Variants in PTPRD observed in about 807,000 individuals in gnomAD.
PTPRD encodes the protein receptor-type tyrosine-protein phosphatase delta.
In PTPRD, 34 loss-of-function variants were observed where a neutral mutation model predicts 214.5. The observed-to-expected ratio is 0.16, with a 90% CI of 0.12 to 0.21. The LOEUF is 0.21. Ranked by LOEUF, PTPRD falls within the 10% of genes least tolerant of loss-of-function variation. The probability of loss-of-function intolerance (pLI) is 1.00; values close to 1 mark genes in which losing one functional copy is unlikely to be tolerated. For synonymous variants in PTPRD, 1,128 were observed against 845.7 expected, an observed-to-expected ratio of 1.33 and a Z score of -5.79; for missense variants, 2,545 against 2,398.7, an observed-to-expected ratio of 1.06 and a Z score of -1.27.
chr9:10,362,255 CTTA>C (rs2097406782), intron 2 of PTPRD, among the ~76,000 whole-genome samples: 1 of 151,940 alleles, frequency 6.6e-6, no homozygotes, highest in Admixed American at 6.6e-5. Flanking sequence ...TTACATGGAG[CTTA>C]TTATATGTCA....
intron 4 of PTPRD, among the ~76,000 whole-genome samples, chr9:9,972,081 T>A (rs1031296296): frequency 6.6e-6 from 1 of 152,232 alleles, no homozygotes; most frequent in Admixed American, 6.5e-5. Context: ...AGTTGCAGCA[T>A]TTGACAATAT....
At chr9:8,951,107 GGTTGT>G (rs1388347205) in intron 11 of PTPRD, among the ~76,000 whole-genome samples, 1 of 150,274 alleles carries the variant, frequency 6.7e-6, no homozygotes, top group African/African-American at 2.4e-5. Context: ...AAGTTTATGT[GGTTGT>G]GTTAAGGCAT....
At chr9:9,532,240 G>C (rs2075640089) in intron 8 of PTPRD, among the ~76,000 whole-genome samples, 1 of 152,124 alleles carries the variant, frequency 6.6e-6, no homozygotes. Flanking sequence ...GGTCTGTGTG[G>C]TGGATAAAAT....
At chr9:9,184,894 T>C (rs1481481797) in intron 9 of PTPRD, among the ~76,000 whole-genome samples, 1 of 152,078 alleles carries the variant, frequency 6.6e-6, no homozygotes, top group African/African-American at 2.4e-5. Flanking sequence ...ATAGGGAACA[T>C]AAGGCTTCAT....
chr9:9,349,974 C>A (rs940680818), intron 9 of PTPRD, among the ~76,000 whole-genome samples: 6 of 152,070 alleles, frequency 3.9e-5, no homozygotes, highest in African/African-American at 1.4e-4. Flanking sequence ...TATCCAGTAT[C>A]AGCATAGATG....
At chr9:9,952,646 C>G (rs2093560595) in intron 4 of PTPRD, among the ~76,000 whole-genome samples, 1 of 152,076 alleles carries the variant, frequency 6.6e-6, no homozygotes, top group Non-Finnish European at 1.5e-5. Flanking sequence ...TAACTATTCT[C>G]CCTTCCCTAA....
At chr9:10,108,420 C>T (rs2154225756) in intron 3 of PTPRD, among the ~76,000 whole-genome samples, 1 of 152,028 alleles carries the variant, frequency 6.6e-6, no homozygotes, top group South Asian at 2.1e-4. Flanking sequence ...GAACTAATTC[C>T]TTCTGTCTAA....
At chr9:10,372,855 A>ATT (rs33976967) in intron 2 of PTPRD, among the ~76,000 whole-genome samples, 1 of 31,526 alleles carries the variant, frequency 3.2e-5, no homozygotes. Flanking sequence ...TATTATTATT[A>ATT]ATTATTATTA....
chr9:8,487,872 G>A (rs974568024), intron 27 of PTPRD, among the ~76,000 whole-genome samples: 16 of 151,536 alleles, frequency 1.1e-4, no homozygotes, highest in Non-Finnish European at 1.5e-5. Context: ...TTATCTCTAC[G>A]GGGGGAGGGG....
chr9:9,351,254 T>C (rs4742587), intron 9 of PTPRD, among the ~76,000 whole-genome samples: 2 of 151,904 alleles, frequency 1.3e-5, no homozygotes, highest in Non-Finnish European at 2.9e-5. Flanking sequence ...ATACATCTTG[T>C]AGGAAAGAGA....
At chr9:9,127,229 T>A (rs1174747274) in intron 10 of PTPRD, among the ~76,000 whole-genome samples, 1 of 152,066 alleles carries the variant, frequency 6.6e-6, no homozygotes, top group Non-Finnish European at 1.5e-5. Context: ...CACACCAACA[T>A]GGGGAAAATG....
intron 2 of PTPRD, among the ~76,000 whole-genome samples, chr9:10,392,817 G>T (rs542899174): frequency 3.3e-5 from 5 of 151,826 alleles, no homozygotes; most frequent in Non-Finnish European, 7.4e-5. Context: ...ATATGTAAGG[G>T]AGCATGTGCT....
chr9:10,270,810 C>G (rs1302216763), intron 3 of PTPRD, among the ~76,000 whole-genome samples: 1 of 152,044 alleles, frequency 6.6e-6, no homozygotes. Flanking sequence ...ACAGTTTTTC[C>G]TAACATTATG....
At chr9:9,479,482 A>C (rs1569568686) in intron 8 of PTPRD, among the ~76,000 whole-genome samples, 1 of 152,088 alleles carries the variant, frequency 6.6e-6, no homozygotes. Flanking sequence ...ACCTTGTATC[A>C]ATTAAGTCCC....
chr9:8,982,917 A>G (rs1465273469), intron 11 of PTPRD, among the ~76,000 whole-genome samples: 4 of 152,060 alleles, frequency 2.6e-5, no homozygotes, highest in African/African-American at 9.7e-5. Context: ...CCATAAGATA[A>G]TGTGGTCTCT....
At chr9:10,416,006 G>A (rs2098483544) in intron 2 of PTPRD, among the ~76,000 whole-genome samples, 1 of 151,740 alleles carries the variant, frequency 6.6e-6, no homozygotes, top group Non-Finnish European at 1.5e-5. Context: ...AATTAATTTT[G>A]AGAGACAACA....
At chr9:10,153,244 A>G (rs1256143911) in intron 3 of PTPRD, among the ~76,000 whole-genome samples, 2 of 152,114 alleles carry the variant, frequency 1.3e-5, no homozygotes, top group African/African-American at 4.8e-5. Context: ...ATGTGTACAT[A>G]CATCACAATA....
chr9:10,112,943 T>C (rs2098703466), intron 3 of PTPRD, among the ~76,000 whole-genome samples: 1 of 152,196 alleles, frequency 6.6e-6, no homozygotes, highest in Non-Finnish European at 1.5e-5. Flanking sequence ...TTTTTAAAGC[T>C]GGAAGGAAGG....
At chr9:9,602,697 G>A (rs979551625) in intron 7 of PTPRD, among the ~76,000 whole-genome samples, 1 of 151,862 alleles carries the variant, frequency 6.6e-6, no homozygotes, top group Non-Finnish European at 1.5e-5. Flanking sequence ...TATTTCACAT[G>A]TTGTTTCTCT....
Sources: allele counts gnomAD v4.1 joint callset (sites outside exome capture counted in the v4.1 genomes callset), GRCh38; gene constraint gnomAD v4.1.1; transcripts MANE v1.5; gene names NCBI Gene and HGNC (gene_info 2026-07-23, HGNC 2026-07-21).